EPN1: variants seen among roughly 807,000 people sequenced by gnomAD.
The protein encoded by EPN1 is epsin-1.
A neutral mutation model predicts 56.9 loss-of-function variants in EPN1; 25 were observed. The observed-to-expected ratio is 0.44, with a 90% CI of 0.32 to 0.61. EPN1 has a LOEUF of 0.61. Ranked by LOEUF, EPN1 falls within the 20% of genes least tolerant of loss-of-function variation. The pLI is 0.05. For synonymous variants in EPN1, 411 were observed against 361.8 expected (o/e 1.14, Z -1.54); for missense variants, 785 against 823.7 (o/e 0.95, Z 0.58).
Position 55,707,252 on chromosome 19 carries a change from G to C in EPN1, c.*11896G>C, listed in dbSNP as rs1418047927. ...AGCTACACAGGAGGCTGAGGCAGGA[G>C]CATCACTTGAACCCAGGAGTTCAAG... On this transcript the variant is annotated 3_prime_UTR_variant, in exon 11 of 11. Coordinates refer to ENST00000270460, the MANE Select transcript of EPN1 (RefSeq NM_001130072.2). The C allele has an allele frequency of 6.6e-6, 1 of 151,834 alleles. No homozygotes were observed. Among genetic ancestry groups the C allele is most frequent in the Non-Finnish European group, 1.5e-5 (1 of 68,062 alleles). The allele number at this position is 151,834 out of a possible 1,614,324, so 9.4% of individuals were successfully genotyped here. A position where few individuals can be genotyped will look rare whatever the true frequency, so the allele number is the denominator to read the frequency against.
intron 7 of EPN1, 178 bp from the exon 8 acceptor site, chr19:55,692,508 G>A (rs554221151): frequency 6.0e-6 from 3 of 499,908 alleles, no homozygotes; most frequent in Middle Eastern, 5.2e-4. Flanking sequence ...CAGGGGCAGA[G>A]CCTGGCAGAG....
chr19:55,693,060 C>A (rs368854177), intron 9 of EPN1, 23 bp downstream of exon 9: 159 of 1,604,392 alleles, frequency 9.9e-5, no homozygotes, highest in Non-Finnish European at 2.1e-5. Context: ...CCTCCCCTGC[C>A]CAGTGGCGAG....
chr19:55,677,395 G>T (rs1985508192), intron 1 of EPN1, among the ~76,000 whole-genome samples: 1 of 152,184 alleles, frequency 6.6e-6, no homozygotes, highest in African/African-American at 2.4e-5. Context: ...ATCATCATTT[G>T]CTTGACTCTC....
intron 1 of EPN1, chr19:55,677,725 G>T: frequency 6.5e-7 from 1 of 1,545,926 alleles, no homozygotes; most frequent in Non-Finnish European, 8.7e-7. Flanking sequence ...GGTTCTTCCT[G>T]CCGCCCTGGG....
rs558943801 is a variant in EPN1, at chr19:55,691,098, C to T, written c.763-656C>T. On this transcript the variant is annotated intron_variant, in intron 6 of 10. Coordinates refer to ENST00000270460, the MANE Select transcript of EPN1 (RefSeq NM_001130072.2). The surrounding 1 kb of genome is among the most constrained non-coding windows in gnomAD (Gnocchi z 5.6). ...GAGACGGGCTCTGGTTAGCTGGGCC[C>T]GTCGTGTGCCCACTTCCAGAACACA... is the stretch of plus-strand genomic sequence containing the variant. Among the ~76,000 whole-genome samples, 8 of 152,282 alleles carry T rather than the reference C, an allele frequency of 5.3e-5. No individual in the cohort carries two copies. The highest frequency in any genetic ancestry group is 3.9e-4 in the East Asian group (2 of 5,186).
At chr19:55,681,049 G>C (rs1369805597) in intron 2 of EPN1, among the ~76,000 whole-genome samples, 1 of 152,234 alleles carries the variant, frequency 6.6e-6, no homozygotes, top group Non-Finnish European at 1.5e-5. Flanking sequence ...GGGAGCTGGG[G>C]CTTGGGCCCA....
Position 55,709,127 on chromosome 19 carries a change from C to A in EPN1, c.*13771C>A. On this transcript the variant is annotated 3_prime_UTR_variant, in exon 11 of 11. Coordinates refer to ENST00000270460, the MANE Select transcript of EPN1 (RefSeq NM_001130072.2). Reference sequence around the variant, plus strand: ...TCTCTACATTCTGATGTCTACCTCTCCTCTCCTCTTTATTCTTTCCTAGAA... The same window carrying A: ...TCTCTACATTCTGATGTCTACCTCTACTCTCCTCTTTATTCTTTCCTAGAA... 1.1e-6 allele frequency: 1 copy of A among 922,882 alleles called. No homozygotes were observed. Among genetic ancestry groups the A allele is most frequent in the Non-Finnish European group, 1.6e-6 (1 of 634,732 alleles). The allele number at this position is 922,882 out of a possible 1,614,324, so 57.2% of individuals were successfully genotyped here. A position where few individuals can be genotyped will look rare whatever the true frequency, so the allele number is the denominator to read the frequency against.
At chr19:55,686,316 G>A (rs961940664) in intron 3 of EPN1, among the ~76,000 whole-genome samples, 4 of 152,250 alleles carry the variant, frequency 2.6e-5, no homozygotes, top group South Asian at 4.1e-4. Flanking sequence ...GCTCACAGCC[G>A]TGAAGAGGCT....
In EPN1 at chr19:55,708,889, C is replaced by CG. The variant is rs1176695723; in HGVS notation, c.*13534dup. 6.7e-7 allele frequency: 1 copy of CG among 1,499,752 alleles called. No individual in the cohort carries two copies. Among genetic ancestry groups the CG allele is most frequent in the South Asian group, 1.4e-5 (1 of 73,990 alleles). 92.9% of individuals were successfully genotyped at this position (1,499,752 alleles called of 1,614,324 possible). A position where few individuals can be genotyped will look rare whatever the true frequency, so the allele number is the denominator to read the frequency against. On this transcript the variant is annotated 3_prime_UTR_variant, in exon 11 of 11. Transcript: ENST00000270460. The stretch of plus-strand genomic sequence containing the variant: ...GTGGCCAAGGAAAGCCTTTGTGAGA[C>CG]GACTACTTCAGGGTGTTCCCCATCA...
chr19:55,692,622 G>A (rs1042385234), intron 7 of EPN1, 64 bp from the exon 8 acceptor site: 45 of 1,121,330 alleles, frequency 4.0e-5, no homozygotes, highest in Non-Finnish European at 5.4e-5. Flanking sequence ...GGAGGCAATG[G>A]TCCTCCCTAG....
At position 55,699,254 on chromosome 19, in the gene EPN1, G is replaced by A. The variant is rs917531822; in HGVS notation, c.*3898G>A. 1.3e-5 allele frequency: 2 copies of A among 152,166 alleles called. No homozygotes were observed. Among genetic ancestry groups the A allele is most frequent in the African/African-American group, 4.8e-5 (2 of 41,406 alleles). 9.4% of individuals were successfully genotyped at this position (152,166 alleles called of 1,614,324 possible). On this transcript the variant is annotated 3_prime_UTR_variant, in exon 11 of 11. Transcript: ENST00000270460. ...GCTGCTCTGCGTTGGTTTTCTGCGTGTGCTAAAAGGGGAGGGAGAGTTTCT... is the reference window on the plus strand; with the variant it reads ...GCTGCTCTGCGTTGGTTTTCTGCGTATGCTAAAAGGGGAGGGAGAGTTTCT...
chr19:55,684,619 C>CAG (rs1986039989), intron 2 of EPN1, among the ~76,000 whole-genome samples: 1 of 152,124 alleles, frequency 6.6e-6, no homozygotes, highest in African/African-American at 2.4e-5. Context: ...CAAGAGAGCC[C>CAG]GGGCCTACAC....
chr19:55,687,379 G>A (rs1986238932), intron 3 of EPN1, among the ~76,000 whole-genome samples: 1 of 152,132 alleles, frequency 6.6e-6, no homozygotes, highest in South Asian at 2.1e-4. Context: ...CACCGAGGCT[G>A]GGTGCTCTGG....
At position 55,701,684 on chromosome 19, in the gene EPN1, A is replaced by T. The variant is rs1478119719; in HGVS notation, c.*6328A>T. On this transcript the variant is annotated 3_prime_UTR_variant, in exon 11 of 11. Transcript: ENST00000270460. Reference sequence around the variant, plus strand: ...CCTGTAAAACGGTCTTGTCTGTGGTAAATACTAAGGTTTTTGGTCTCACAG... The same window carrying T: ...CCTGTAAAACGGTCTTGTCTGTGGTTAATACTAAGGTTTTTGGTCTCACAG... The T allele has an allele frequency of 6.6e-6, 1 of 152,100 alleles. No individual in the cohort carries two copies. Among genetic ancestry groups the T allele is most frequent in the Admixed American group, 6.6e-5 (1 of 15,252 alleles). The allele number at this position is 152,100 out of a possible 1,614,324, so 9.4% of individuals were successfully genotyped here. A position where few individuals can be genotyped will look rare whatever the true frequency, so the allele number is the denominator to read the frequency against.
Position 55,691,781 on chromosome 19 carries a change from T to C in EPN1, c.790T>C (p.Phe264Leu). Reference protein sequence around the residue: ...ESSLMDLADVFTAPAPAPTTD... With the variant: ...ESSLMDLADVLTAPAPAPTTD... ...GTCCCTCATGGACCTTGCTGACGTC[T>C]TCACGGCCCCAGCTCCTGCCCCGAC... The change falls in exon 7 of 11, where the codon TTC (phenylalanine) becomes CTC (leucine). Residue 264 changes from phenylalanine (F) to leucine (L), a missense_variant. Transcript: ENST00000270460. The surrounding 1 kb of genome is among the most constrained non-coding windows in gnomAD (Gnocchi z 5.6). 1 of 1,612,792 alleles carries C rather than the reference T, an allele frequency of 6.2e-7. No individual in the cohort carries two copies. Among genetic ancestry groups the C allele is most frequent in the Admixed American group, 1.7e-5 (1 of 59,892 alleles).
rs1241483603 is a variant in EPN1, at chr19:55,705,652, A to G, written c.*10296A>G. 6.6e-6 allele frequency: 1 copy of G among 152,114 alleles called. No individual in the cohort carries two copies. Among genetic ancestry groups the G allele is most frequent in the Admixed American group, 6.5e-5 (1 of 15,272 alleles). The allele number at this position is 152,114 out of a possible 1,614,324, so 9.4% of individuals were successfully genotyped here. On this transcript the variant is annotated 3_prime_UTR_variant, in exon 11 of 11. Coordinates refer to ENST00000270460, the MANE Select transcript of EPN1 (RefSeq NM_001130072.2). ...CAACAGAGCAAGACCCTTTCTTAGAAAAAAGAAAAGTATCCCCGAACATTA... is the reference window on the plus strand; with the variant it reads ...CAACAGAGCAAGACCCTTTCTTAGAGAAAAGAAAAGTATCCCCGAACATTA...
intron 3 of EPN1, among the ~76,000 whole-genome samples, chr19:55,687,506 G>A (rs1482366484): frequency 1.3e-5 from 2 of 152,098 alleles, no homozygotes; most frequent in Non-Finnish European, 2.9e-5. Context: ...GGGGGTTAGG[G>A]GCATGTGCAA....
At position 55,693,130 on chromosome 19, in the gene EPN1, G is replaced by A. The variant is rs921537692; in HGVS notation, c.1264+93G>A. 3.9e-6 allele frequency: 5 copies of A among 1,272,022 alleles called. No homozygotes were observed. The East Asian group carries it at 9.4e-5, about 24-fold the overall frequency. The allele number at this position is 1,272,022 out of a possible 1,614,324, so 78.8% of individuals were successfully genotyped here. ...CCTTGCTGTCTTTGTCCCACTCCAG[G>A]CAGGGCCGGCTGGACTTAGGGATGA... On this transcript the variant is annotated intron_variant, in intron 9 of 10. Transcript: ENST00000270460.
chr19:55,681,847 G>C (rs1367459182), intron 2 of EPN1, among the ~76,000 whole-genome samples: 1 of 151,474 alleles, frequency 6.6e-6, no homozygotes, highest in East Asian at 1.9e-4. Flanking sequence ...TTGCTCTGTA[G>C]CCCAGGCTGG....
Sources: allele counts gnomAD v4.1 joint callset (sites outside exome capture counted in the v4.1 genomes callset), GRCh38; gene constraint gnomAD v4.1.1; non-coding constraint Gnocchi (gnomAD v3.1); transcripts MANE v1.5; gene names NCBI Gene and HGNC (gene_info 2026-07-23, HGNC 2026-07-21).